Variants in FOXO3B observed in about 807,000 individuals in gnomAD.
The protein encoded by FOXO3B is forkhead box protein O3B.
A neutral mutation model predicts 21.9 loss-of-function variants in FOXO3B; 15 were observed. The ratio of observed to expected loss-of-function variants is 0.68; its 90% CI spans 0.46 to 1.05. The LOEUF is 1.05. Ranked by LOEUF, FOXO3B falls within the 50% of genes least tolerant of loss-of-function variation. The probability of loss-of-function intolerance (pLI) is 0.00; values close to 1 mark genes in which losing one functional copy is unlikely to be tolerated. For missense variants in FOXO3B, 293 were observed against 435.5 expected (o/e 0.67, Z 2.91); for synonymous variants, 135 against 213.6 (o/e 0.63, Z 3.21).
Position 18,670,826 on chromosome 17 carries a change from T to G in FOXO3B, c.*1483A>C, listed in dbSNP as rs2032350334. 2.7e-6 allele frequency: 4 copies of G among 1,458,120 alleles called. No individual in the cohort carries two copies. The South Asian group carries it at 5.2e-5, about 19-fold the overall frequency. 90.3% of individuals were successfully genotyped at this position (1,458,120 alleles called of 1,614,324 possible). A position where few individuals can be genotyped will look rare whatever the true frequency, so the allele number is the denominator to read the frequency against. On this transcript the variant is annotated 3_prime_UTR_variant, in exon 4 of 4. Coordinates refer to ENST00000395675, the MANE Select transcript of FOXO3B (RefSeq NM_001368135.1). Reference sequence around the variant, plus strand: ...CACTGTCCACTTGCTGAGAGCAGATTTGGCAAAGGGTTTTCTCTGTAGGTC... The same window carrying G: ...CACTGTCCACTTGCTGAGAGCAGATGTGGCAAAGGGTTTTCTCTGTAGGTC...
chr17:18,676,409 A>C (rs2032482359), intron 3 of FOXO3B, among the ~76,000 whole-genome samples: 1 of 152,210 alleles, frequency 6.6e-6, no homozygotes. Context: ...CAAAAAAATA[A>C]ACTGTTCAGT....
Position 18,672,828 on chromosome 17 carries a change from C to T in FOXO3B, c.354G>A (p.Trp118Ter), listed in dbSNP as rs773811763. Residue 118 changes from tryptophan (W) to a stop codon, truncating the protein, a stop_gained, in exon 4 of 4, where the codon TGG (tryptophan) becomes TGA (stop). Transcript: ENST00000395675. LOFTEE classifies it high-confidence loss of function. The surrounding 1 kb of genome is among the most constrained non-coding windows in gnomAD (Gnocchi z 4.2). ...EPQSRPRSCT[W>*]PLQRPELQAS... ...CTTGGAGCTCCGGCCTTTGCAGGGGCCACGTACAGGATCGCGGACGGCTCT... is the reference window on the plus strand; with the variant it reads ...CTTGGAGCTCCGGCCTTTGCAGGGGTCACGTACAGGATCGCGGACGGCTCT... The T allele has an allele frequency of 3.2e-6, 5 of 1,561,138 alleles. No individual in the cohort carries two copies. In the South Asian group the frequency reaches 5.9e-5, roughly 18 times the overall value.
In FOXO3B at chr17:18,670,074, C is replaced by T. The variant is rs2032335772; in HGVS notation, c.*2235G>A. On this transcript the variant is annotated 3_prime_UTR_variant, in exon 4 of 4. Coordinates refer to ENST00000395675, the MANE Select transcript of FOXO3B (RefSeq NM_001368135.1). ...AGCAGACCAACACTGTTCACATTAG[C>T]TGAGGACACTGACAGGAGATCACAG... Among the ~76,000 whole-genome samples, 1 of 151,914 alleles carries T rather than the reference C, an allele frequency of 6.6e-6. No homozygotes were observed. The highest frequency in any genetic ancestry group is 1.5e-5 in the Non-Finnish European group (1 of 68,018).
chr17:18,670,568 C>T lies in FOXO3B; in HGVS notation c.*1741G>A, dbSNP rs1232946411. Among the ~76,000 whole-genome samples, 1 of 152,208 alleles carries T rather than the reference C, an allele frequency of 6.6e-6. No homozygotes were observed. Among genetic ancestry groups the T allele is most frequent in the African/African-American group, 2.4e-5 (1 of 41,446 alleles). ...AAACCATCGCAATATTAAAACACCA[C>T]AGAATGGCCGAAGAGGGCTCACGGT... is the stretch of plus-strand genomic sequence containing the variant. On this transcript the variant is annotated 3_prime_UTR_variant, in exon 4 of 4. Coordinates refer to ENST00000395675, the MANE Select transcript of FOXO3B (RefSeq NM_001368135.1).
Position 18,669,312 on chromosome 17 carries a change from T to C in FOXO3B, c.*2997A>G, listed in dbSNP as rs989780235. ...CAGCAAGAACTCAAGCAGGGAAGTC[T>C]GTGCTGAAATACTAGCCTGTATTCC... On this transcript the variant is annotated 3_prime_UTR_variant, in exon 4 of 4. Coordinates refer to ENST00000395675, the MANE Select transcript of FOXO3B (RefSeq NM_001368135.1). 7.2e-6 allele frequency: 1 copy of C among 138,732 alleles called. No individual in the cohort carries two copies. Among genetic ancestry groups the C allele is most frequent in the Non-Finnish European group, 1.5e-5 (1 of 65,866 alleles). The allele number at this position is 138,732 out of a possible 1,614,324, so 8.6% of individuals were successfully genotyped here.
At position 18,668,543 on chromosome 17, in the gene FOXO3B, C is replaced by A. The variant is rs893534709; in HGVS notation, c.*3766G>T. 1.3e-5 allele frequency: 2 copies of A among 152,602 alleles called. No individual in the cohort carries two copies. Among genetic ancestry groups the A allele is most frequent in the Non-Finnish European group, 2.9e-5 (2 of 68,040 alleles). The allele number at this position is 152,602 out of a possible 1,614,324, so 9.5% of individuals were successfully genotyped here. On this transcript the variant is annotated 3_prime_UTR_variant, in exon 4 of 4. Transcript: ENST00000395675. The stretch of plus-strand genomic sequence containing the variant: ...AAGTTGAAACACATTGGAGGGTTGC[C>A]TTTCTCACTCCCAAAGCAGCTCCCT...
chr17:18,680,089 T>C (rs4924906), intron 3 of FOXO3B, among the ~76,000 whole-genome samples: 26,280 of 152,128 alleles, frequency 0.17, 2,733 homozygotes, highest in African/African-American at 0.29. Flanking sequence ...TCTACCTGCC[T>C]TGGCCTCCCA....
At position 18,671,411 on chromosome 17, in the gene FOXO3B, G is replaced by T. The variant is rs1362886556; in HGVS notation, c.*898C>A. On this transcript the variant is annotated 3_prime_UTR_variant, in exon 4 of 4. Transcript: ENST00000395675. ...CATTGCGAAGCATCACGTTCCGGCG[G>T]GAATTCTGGGCAGACACAGCGGTGC... is the stretch of plus-strand genomic sequence containing the variant. The T allele has an allele frequency of 1.2e-6, 2 of 1,601,024 alleles. No homozygotes were observed. The highest frequency in any genetic ancestry group is 2.2e-5 in the East Asian group (1 of 44,746).
In FOXO3B at chr17:18,672,532, G is replaced by C. The variant is rs1263986445; in HGVS notation, c.650C>G (p.Pro217Arg). 1.2e-5 allele frequency: 18 copies of C among 1,489,602 alleles called. No individual in the cohort carries two copies. Among genetic ancestry groups the C allele is most frequent in the Non-Finnish European group, 1.6e-5 (18 of 1,119,386 alleles). The allele number at this position is 1,489,602 out of a possible 1,614,324, so 92.3% of individuals were successfully genotyped here. A position where few individuals can be genotyped will look rare whatever the true frequency, so the allele number is the denominator to read the frequency against. ...CGCCCCCGGCTGCGGCGGTGGCAGC[G>C]GTTGCTGAGGCTGCAGCAGCGCCTG... ...GTQALLQPQQ[P>R]LPPPQPGAAG... is the part of the protein sequence containing the mutation. Residue 217 changes from proline to arginine, a missense_variant, in exon 4 of 4, where the codon CCG becomes CGG. Coordinates refer to ENST00000395675, the MANE Select transcript of FOXO3B (RefSeq NM_001368135.1). The surrounding 1 kb of genome is among the most constrained non-coding windows in gnomAD (Gnocchi z 4.2).
Position 18,671,898 on chromosome 17 carries a change from G to A in FOXO3B, c.*411C>T. The stretch of plus-strand genomic sequence containing the variant: ...CTGAGCTGCTGTAGAGCATGGGCGA[G>A]AGAGGCGCATCGTCGTCCTGGACTT... On this transcript the variant is annotated 3_prime_UTR_variant, in exon 4 of 4. Transcript: ENST00000395675. 1 of 1,613,592 alleles carries A rather than the reference G, an allele frequency of 6.2e-7. No individual in the cohort carries two copies.
intron 3 of FOXO3B, among the ~76,000 whole-genome samples, chr17:18,673,326 G>A (rs62073682): frequency 1.3e-5 from 2 of 152,084 alleles, no homozygotes; most frequent in Admixed American, 6.5e-5. Context: ...TGCTCAGGCT[G>A]GTCTCTAACT....
intron 3 of FOXO3B, chr17:18,677,738 G>A (rs888629843): frequency 1.9e-6 from 3 of 1,560,932 alleles, no homozygotes; most frequent in African/African-American, 2.8e-5. Context: ...CGGACAAGAA[G>A]CGGGCGCTAC....
At chr17:18,674,643 G>T (rs9911174) in intron 3 of FOXO3B, among the ~76,000 whole-genome samples, 47,783 of 142,678 alleles carry the variant, frequency 0.33, 8,589 homozygotes, top group Middle Eastern at 0.43. Flanking sequence ...AAAAAAAGGG[G>T]GGGGGGAGAT....
In FOXO3B at chr17:18,671,129, C is replaced by A. The variant is rs1401171706; in HGVS notation, c.*1180G>T. On this transcript the variant is annotated 3_prime_UTR_variant, in exon 4 of 4. Coordinates refer to ENST00000395675, the MANE Select transcript of FOXO3B (RefSeq NM_001368135.1). ...GGAACTTCTCATGGCCCATGACGGG[C>A]AGGTTTGCACTAGTTGAGTACAAGG... 2 of 933,718 alleles carry A rather than the reference C, an allele frequency of 2.1e-6. No individual in the cohort carries two copies. The highest frequency in any genetic ancestry group is 1.8e-5 in the Admixed American group (1 of 54,780). 57.8% of individuals were successfully genotyped at this position (933,718 alleles called of 1,614,324 possible).
In FOXO3B at chr17:18,671,771, G is replaced by T; in HGVS notation, c.*538C>A. 2 of 1,613,502 alleles carry T rather than the reference G, an allele frequency of 1.2e-6. No individual in the cohort carries two copies. Among genetic ancestry groups the T allele is most frequent in the Non-Finnish European group, 8.5e-7 (1 of 1,179,804 alleles). ...TGTTATCCAGCAGGTCGTCCATGAG[G>T]TTTTCAGTCAGCCCCATCATTCAGA... On this transcript the variant is annotated 3_prime_UTR_variant, in exon 4 of 4. Transcript: ENST00000395675.
At position 18,667,649 on chromosome 17, in the gene FOXO3B, T is replaced by C. The variant is rs1465196752; in HGVS notation, c.*4660A>G. On this transcript the variant is annotated 3_prime_UTR_variant, in exon 4 of 4. Coordinates refer to ENST00000395675, the MANE Select transcript of FOXO3B (RefSeq NM_001368135.1). ...CAAGCTCAGATTCATTCACATTTAATGGGGTACACTGAGCCTGGCAGCCAG... is the reference window on the plus strand; with the variant it reads ...CAAGCTCAGATTCATTCACATTTAACGGGGTACACTGAGCCTGGCAGCCAG... The C allele has an allele frequency of 1.3e-5, 2 of 151,934 alleles. No individual in the cohort carries two copies. Among genetic ancestry groups the C allele is most frequent in the Non-Finnish European group, 2.9e-5 (2 of 68,028 alleles). The allele number at this position is 151,934 out of a possible 1,614,324, so 9.4% of individuals were successfully genotyped here. A position where few individuals can be genotyped will look rare whatever the true frequency, so the allele number is the denominator to read the frequency against.
chr17:18,677,462 C>A, intron 3 of FOXO3B: 1 of 1,614,178 alleles, frequency 6.2e-7, no homozygotes, highest in Non-Finnish European at 8.5e-7. Flanking sequence ...TCCACCCTAA[C>A]CCCGAGTCTG....
chr17:18,672,645 A>G lies in FOXO3B; in HGVS notation c.537T>C (p.Leu179=). The G allele has an allele frequency of 6.7e-7, 1 of 1,483,346 alleles. No homozygotes were observed. The highest frequency in any genetic ancestry group is 8.9e-7 in the Non-Finnish European group (1 of 1,126,568). 91.9% of individuals were successfully genotyped at this position (1,483,346 alleles called of 1,614,324 possible). A position where few individuals can be genotyped will look rare whatever the true frequency, so the allele number is the denominator to read the frequency against. ...GSRTLVSGLL[L]EDSVRVLAPG... Reference sequence around the variant, plus strand: ...GTGCCAGCACCCGGACCGAGTCCTCAAGGAGCAGCCCGGAGACCAGCGTGC... The same window carrying G: ...GTGCCAGCACCCGGACCGAGTCCTCGAGGAGCAGCCCGGAGACCAGCGTGC... The change falls in exon 4 of 4, where the codon CTT becomes CTC. Residue 179 remains leucine (L), a synonymous_variant. Transcript: ENST00000395675. This position sits in a 1 kb window ranked among gnomAD's most constrained non-coding sequence, Gnocchi z 4.2.
At chr17:18,677,282 C>G in intron 3 of FOXO3B, 1 of 1,613,296 alleles carries the variant, frequency 6.2e-7, no homozygotes, top group Middle Eastern at 1.7e-4. Context: ...GCATGAAACT[C>G]CTGCTGGGGA....
Sources: gnomAD v4.1 joint callset for allele counts (sites outside exome capture counted in the v4.1 genomes callset) on GRCh38, gnomAD v4.1.1 for gene constraint, Gnocchi (gnomAD v3.1) non-coding constraint, MANE v1.5 for transcripts, NCBI Gene and HGNC (gene_info 2026-07-23, HGNC 2026-07-21) for gene names.